Variants in PCNX1 observed in about 807,000 individuals in gnomAD.
PCNX1 encodes pecanex 1.
Under a neutral mutation model 242.2 loss-of-function variants are expected in PCNX1, and 78 were observed. The observed-to-expected ratio is 0.32, with a 90% CI of 0.27 to 0.39. PCNX1 has a LOEUF of 0.39. PCNX1 is among the 10% of genes least tolerant of loss of function. The probability of loss-of-function intolerance (pLI) is 1.00; values close to 1 mark genes in which losing one functional copy is unlikely to be tolerated. For synonymous variants in PCNX1, 1,024 were observed against 1,032.9 expected, an observed-to-expected ratio of 0.99 and a Z score of 0.17; for missense variants, 2,581 against 2,856.5, an observed-to-expected ratio of 0.90 and a Z score of 2.20.
At position 70,978,534 on chromosome 14, in the gene PCNX1, G is replaced by A. The variant is rs1336864465; in HGVS notation, c.2197G>A (p.Glu733Lys). ...GGCCAAAGAGGGAGAGGTGCTAGAT[G>A]AGCTATCTTTATTAGGACGGGCTTC... ...LEAKEGEVLD[E>K]LSLLGRASQL... Residue 733 changes from glutamate (E) to lysine (K), a missense_variant, in exon 6 of 36, where the codon GAG becomes AAG. This residue lies in a region of PCNX1 where 1,204 missense variants were observed against 1,216.7 expected (regional missense o/e 0.99). Transcript: ENST00000304743. 1 of 1,614,038 alleles carries A rather than the reference G, an allele frequency of 6.2e-7. No homozygotes were observed. Among genetic ancestry groups the A allele is most frequent in the Non-Finnish European group, 8.5e-7 (1 of 1,180,028 alleles).
rs1487536663 is a variant in PCNX1 at position 71,112,821 on chromosome 14, A to C, written c.*2886A>C. On this transcript the variant is annotated 3_prime_UTR_variant, in exon 36 of 36. Coordinates refer to ENST00000304743, the MANE Select transcript of PCNX1 (RefSeq NM_014982.3). Reference sequence around the variant, plus strand: ...CATTTCCTTTTGGTGGAGTTGTATGATTGAAAACTTTGCTTTTTCTTGTTT... The same window carrying C: ...CATTTCCTTTTGGTGGAGTTGTATGCTTGAAAACTTTGCTTTTTCTTGTTT... 6.6e-6 allele frequency: 1 copy of C among 152,170 alleles called. No homozygotes were observed. Among genetic ancestry groups the C allele is most frequent in the Non-Finnish European group, 1.5e-5 (1 of 67,994 alleles). The allele number at this position is 152,170 out of a possible 1,614,324, so 9.4% of individuals were successfully genotyped here. A position where few individuals can be genotyped will look rare whatever the true frequency, so the allele number is the denominator to read the frequency against.
intron 25 of PCNX1, among the ~76,000 whole-genome samples, chr14:71,057,237 C>A (rs1272784066): frequency 6.6e-6 from 1 of 152,054 alleles, no homozygotes; most frequent in Non-Finnish European, 1.5e-5. Context: ...TTGAAGAGGT[C>A]AAAAAGTCCT....
rs777494885 is a variant in PCNX1 at position 71,008,655 on chromosome 14, CAAAAAAAAAAAAA to C, written c.2630-964_2630-952del. On this transcript the variant is annotated intron_variant, in intron 8 of 35. Transcript: ENST00000304743. ...TGGGTGACAGAGCGAGACTCTGTCT[CAAAAAAAAAAAAA>C]AAAAAAAAAAAAAAGGGATTCCTGT... 3.1e-4 allele frequency among the ~76,000 whole-genome samples: 10 copies of C among 32,760 alleles called. No homozygotes were observed. The East Asian group carries it at 0.012, about 40-fold the overall frequency. The allele number at this position is 32,760 out of a possible 152,430, so 21.5% of individuals were successfully genotyped here. A position where few individuals can be genotyped will look rare whatever the true frequency, so the allele number is the denominator to read the frequency against.
intron 8 of PCNX1, among the ~76,000 whole-genome samples, chr14:70,998,687 G>A (rs1438433254): frequency 6.7e-6 from 1 of 149,088 alleles, no homozygotes; most frequent in Non-Finnish European, 1.5e-5. Flanking sequence ...GGAGGCGGAG[G>A]TTGCAGTGAA....
chr14:71,106,760 GC>G lies in PCNX1; in HGVS notation c.6301+1322del, dbSNP rs779624577. Among the ~76,000 whole-genome samples the G allele has an allele frequency of 2.0e-5, 3 of 152,018 alleles. No individual in the cohort carries two copies. The East Asian group carries it at 5.8e-4, about 29-fold the overall frequency. On this transcript the variant is annotated intron_variant, in intron 33 of 35. Transcript: ENST00000304743. Reference sequence around the variant, plus strand: ...TATCAGCAGCTCCTCTTTCTAAAGTGCCTAGTTACATCTTTTGCCTATTTTT... The same window carrying G: ...TATCAGCAGCTCCTCTTTCTAAAGTGCTAGTTACATCTTTTGCCTATTTTT...
intron 2 of PCNX1, among the ~76,000 whole-genome samples, chr14:70,952,505 C>T (rs745347145): frequency 6.6e-6 from 1 of 151,974 alleles, no homozygotes; most frequent in South Asian, 2.1e-4. Flanking sequence ...GTAGATATTC[C>T]TGAATATATT....
At chr14:70,951,500 A>C (rs1595016974) in intron 2 of PCNX1, among the ~76,000 whole-genome samples, 1 of 151,838 alleles carries the variant, frequency 6.6e-6, no homozygotes, top group African/African-American at 2.4e-5. Flanking sequence ...TCAGCCTCCC[A>C]AGTAGCTGGG....
intron 6 of PCNX1, among the ~76,000 whole-genome samples, chr14:70,983,048 G>A (rs2058887465): frequency 6.6e-6 from 1 of 152,166 alleles, no homozygotes; most frequent in African/African-American, 2.4e-5. Context: ...TTGTAAGGAT[G>A]TGTCCCCTCT....
chr14:71,078,588 C>T (rs1458900688), intron 28 of PCNX1: 1 of 152,196 alleles, frequency 6.6e-6, no homozygotes, highest in Non-Finnish European at 1.5e-5. Flanking sequence ...AGGGCACACG[C>T]CTTCTCCACC....
chr14:70,924,624 C>G (rs963210060), intron 1 of PCNX1, among the ~76,000 whole-genome samples: 3 of 152,048 alleles, frequency 2.0e-5, no homozygotes, highest in South Asian at 2.1e-4. Context: ...GTCTAATTCT[C>G]TCACCCAGGC....
At chr14:71,060,207 C>T (rs533901409) in intron 26 of PCNX1, among the ~76,000 whole-genome samples, 1 of 152,234 alleles carries the variant, frequency 6.6e-6, no homozygotes, top group South Asian at 2.1e-4. Flanking sequence ...TATCACAAAG[C>T]ATTACTTGTG....
At chr14:70,936,513 C>T (rs921474357) in intron 1 of PCNX1, among the ~76,000 whole-genome samples, 2 of 152,228 alleles carry the variant, frequency 1.3e-5, no homozygotes, top group Non-Finnish European at 2.9e-5. Flanking sequence ...GCCACATTTT[C>T]TTAATCCAGT....
intron 2 of PCNX1, among the ~76,000 whole-genome samples, chr14:70,958,671 A>G (rs144516867): frequency 1.7e-3 from 256 of 152,242 alleles, no homozygotes; most frequent in African/African-American, 5.8e-3. Flanking sequence ...TAAGAGTAGC[A>G]GATATAGAGA....
At chr14:70,909,231 C>T (rs138471888) in intron 1 of PCNX1, among the ~76,000 whole-genome samples, 1 of 150,492 alleles carries the variant, frequency 6.6e-6, no homozygotes, top group Non-Finnish European at 1.5e-5. Flanking sequence ...TCACATTTTT[C>T]GTTGAAATTG....
chr14:71,054,096 T>C (rs975876477), intron 24 of PCNX1, among the ~76,000 whole-genome samples: 1 of 152,236 alleles, frequency 6.6e-6, no homozygotes, highest in Admixed American at 6.5e-5. Context: ...AAAAGAAGTA[T>C]TCTAATAGCC....
In PCNX1 at chr14:71,035,520, G is replaced by A. The variant is rs578233701; in HGVS notation, c.3775-545G>A. ...CACCTGTAATCCCAGCACTTTGGGA[G>A]GCCAAGATGGGCGTATATCACTTGA... On this transcript the variant is annotated intron_variant, in intron 18 of 35. Transcript: ENST00000304743. 8.5e-5 allele frequency among the ~76,000 whole-genome samples: 13 copies of A among 152,176 alleles called. No homozygotes were observed. The South Asian group carries it at 2.3e-3, about 27-fold the overall frequency.
At chr14:71,021,299 A>C (rs985291405) in intron 12 of PCNX1, among the ~76,000 whole-genome samples, 4 of 152,176 alleles carry the variant, frequency 2.6e-5, no homozygotes, top group African/African-American at 9.7e-5. Flanking sequence ...TCTGTAAGAA[A>C]GTCAGTGGTA....
In PCNX1 at chr14:71,108,668, A is replaced by G. The variant is rs753575055; in HGVS notation, c.6366A>G (p.Ser2122=). 25 of 1,614,104 alleles carry G rather than the reference A, an allele frequency of 1.5e-5. No homozygotes were observed. Among genetic ancestry groups the G allele is most frequent in the Non-Finnish European group, 2.0e-5 (24 of 1,180,050 alleles). ...GLVRQSPARA[S]VASQSSYCYS... ...TCAGACAGTCTCCTGCCCGGGCCTCAGTAGCCAGCCAGTCTTCCTACTGCT... is the reference window on the plus strand; with the variant it reads ...TCAGACAGTCTCCTGCCCGGGCCTCGGTAGCCAGCCAGTCTTCCTACTGCT... Residue 2122 remains serine, a synonymous_variant, in exon 34 of 36, where the codon TCA becomes TCG. Transcript: ENST00000304743.
intron 22 of PCNX1, 23 bp downstream of exon 22, chr14:71,048,007 A>G (rs2060912696): frequency 6.5e-7 from 1 of 1,549,910 alleles, no homozygotes; most frequent in African/African-American, 1.4e-5. Flanking sequence ...TGAAAGGAAT[A>G]TCCTTATCTA....
Sources: gnomAD v4.1 joint callset for allele counts (sites outside exome capture counted in the v4.1 genomes callset) on GRCh38, gnomAD v4.1.1 for gene constraint, gnomAD v4.1.1 regional missense constraint, MANE v1.5 for transcripts, NCBI Gene and HGNC (gene_info 2026-07-23, HGNC 2026-07-21) for gene names.